The following CNTNAP5 variants were observed in gnomAD, a reference collection of about 807,000 sequenced individuals.
The protein encoded by CNTNAP5 is contactin associated protein family member 5, also known as contactin-associated protein-like 5.
In CNTNAP5, 72 loss-of-function variants were observed where a neutral mutation model predicts 150.2. The observed-to-expected ratio is 0.48, with a 90% CI of 0.40 to 0.58. CNTNAP5 has a LOEUF of 0.58. CNTNAP5 is among the 20% of genes least tolerant of loss of function. CNTNAP5 has a pLI of 0.00. For synonymous variants in CNTNAP5, 672 were observed against 619.8 expected, an observed-to-expected ratio of 1.08 and a Z score of -1.25; for missense variants, 1,636 against 1,626.2, an observed-to-expected ratio of 1.01 and a Z score of -0.10.
intron 19 of CNTNAP5, among the ~76,000 whole-genome samples, chr2:124,841,491 C>A (rs1296649892): frequency 6.6e-6 from 1 of 151,908 alleles, no homozygotes; most frequent in Non-Finnish European, 1.5e-5. Flanking sequence ...CCCTTCAAGA[C>A]CCATGGCTAA....
At chr2:124,064,861 A>G (rs765101293) in intron 1 of CNTNAP5, among the ~76,000 whole-genome samples, 1 of 152,068 alleles carries the variant, frequency 6.6e-6, no homozygotes, top group East Asian at 1.9e-4. Context: ...TCTGATTCCT[A>G]TCATCTTTCA....
intron 3 of CNTNAP5, among the ~76,000 whole-genome samples, chr2:124,355,633 G>A (rs1421418828): frequency 1.3e-5 from 2 of 152,066 alleles, no homozygotes; most frequent in Admixed American, 1.3e-4. Flanking sequence ...TCACCTTTTT[G>A]GGAAGTAAGA....
At chr2:124,748,654 C>T (rs1236153856) in intron 14 of CNTNAP5, among the ~76,000 whole-genome samples, 1 of 152,096 alleles carries the variant, frequency 6.6e-6, no homozygotes, top group Non-Finnish European at 1.5e-5. Context: ...ACAGCAAGGA[C>T]TATTTCACAT....
At chr2:124,557,062 C>T (rs1410914492) in intron 10 of CNTNAP5, among the ~76,000 whole-genome samples, 2 of 151,614 alleles carry the variant, frequency 1.3e-5, no homozygotes, top group African/African-American at 4.8e-5. Flanking sequence ...GGTTCTGCTT[C>T]TGATCCAATT....
chr2:124,187,543 C>G (rs757424417), intron 1 of CNTNAP5, among the ~76,000 whole-genome samples: 1 of 152,078 alleles, frequency 6.6e-6, no homozygotes, highest in Non-Finnish European at 1.5e-5. Context: ...GAATTTTGAA[C>G]GAGTAAAATA....
intron 3 of CNTNAP5, among the ~76,000 whole-genome samples, chr2:124,396,435 T>C (rs1278982539): frequency 1.3e-5 from 2 of 152,204 alleles, no homozygotes; most frequent in African/African-American, 2.4e-5. Context: ...TTGCAAACTA[T>C]TGGAGAAGGC....
intron 5 of CNTNAP5, among the ~76,000 whole-genome samples, chr2:124,438,924 C>T (rs985530988): frequency 6.6e-6 from 1 of 152,024 alleles, no homozygotes; most frequent in African/African-American, 2.4e-5. Flanking sequence ...TCAGTGATTC[C>T]CAGTCAGTGG....
intron 13 of CNTNAP5, 94 bp from the exon 14 acceptor site, chr2:124,747,135 A>C (rs573069686): frequency 8.3e-7 from 1 of 1,200,022 alleles, no homozygotes; most frequent in East Asian, 2.6e-5. Context: ...ATATACATCT[A>C]TTCTCCAAGA....
intron 3 of CNTNAP5, among the ~76,000 whole-genome samples, chr2:124,401,899 G>C (rs1259458882): frequency 2.6e-5 from 4 of 152,176 alleles, no homozygotes; most frequent in African/African-American, 9.6e-5. Flanking sequence ...GACAACACTG[G>C]AGTCTCCAGT....
At chr2:124,220,888 T>C (rs1361002992) in intron 1 of CNTNAP5, among the ~76,000 whole-genome samples, 4 of 152,088 alleles carry the variant, frequency 2.6e-5, no homozygotes, top group Non-Finnish European at 5.9e-5. Context: ...ATTCCAACCA[T>C]GGCAACAATA....
chr2:124,119,241 C>T (rs997163831), intron 1 of CNTNAP5, among the ~76,000 whole-genome samples: 4 of 152,128 alleles, frequency 2.6e-5, no homozygotes. Context: ...CACTTATCAG[C>T]TGAAATTTCT....
intron 1 of CNTNAP5, among the ~76,000 whole-genome samples, chr2:124,211,514 A>G (rs902857499): frequency 1.5e-5 from 2 of 133,904 alleles, no homozygotes; most frequent in African/African-American, 5.8e-5. Flanking sequence ...AGTCTCCAAC[A>G]CACACACAAA....
chr2:124,103,406 T>C (rs940151675), intron 1 of CNTNAP5, among the ~76,000 whole-genome samples: 2 of 152,116 alleles, frequency 1.3e-5, no homozygotes, highest in African/African-American at 2.4e-5. Context: ...TAGAGTGATG[T>C]CCTAGGCCTT....
At chr2:124,435,957 T>C (rs1294539253) in intron 5 of CNTNAP5, among the ~76,000 whole-genome samples, 1 of 152,144 alleles carries the variant, frequency 6.6e-6, no homozygotes, top group Admixed American at 6.5e-5. Flanking sequence ...GTAAAAAAAT[T>C]TGCTGGTAAC....
chr2:124,235,730 T>C (rs981369995), intron 2 of CNTNAP5, among the ~76,000 whole-genome samples: 1 of 152,074 alleles, frequency 6.6e-6, no homozygotes. Flanking sequence ...AGAATCACTC[T>C]CCCTAGACAT....
chr2:124,243,941 C>A (rs1382301823), intron 3 of CNTNAP5, among the ~76,000 whole-genome samples: 1 of 152,044 alleles, frequency 6.6e-6, no homozygotes, highest in African/African-American at 2.4e-5. Flanking sequence ...ATAAGCACAC[C>A]TTCCATTTTG....
chr2:124,172,792 TGTG>T (rs1407833520), intron 1 of CNTNAP5, among the ~76,000 whole-genome samples: 1 of 152,108 alleles, frequency 6.6e-6, no homozygotes, highest in Non-Finnish European at 1.5e-5. Flanking sequence ...TGTGTGTGTG[TGTG>T]TGTGTGTACA....
intron 3 of CNTNAP5, among the ~76,000 whole-genome samples, chr2:124,387,836 T>C (rs1203220637): frequency 6.6e-6 from 1 of 152,160 alleles, no homozygotes; most frequent in Non-Finnish European, 1.5e-5. Context: ...GCAAGTAGAA[T>C]GAGGACCAAT....
chr2:124,174,113 A>AAAAAC (rs1685005543), intron 1 of CNTNAP5, among the ~76,000 whole-genome samples: 1 of 147,442 alleles, frequency 6.8e-6, no homozygotes, highest in South Asian at 2.2e-4. Context: ...TGCTCAGGAA[A>AAAAAC]AAAAAAAAAA....
Sources: allele counts gnomAD v4.1 joint callset (sites outside exome capture counted in the v4.1 genomes callset), GRCh38; gene constraint gnomAD v4.1.1; transcripts MANE v1.5; gene names NCBI Gene and HGNC (gene_info 2026-07-23, HGNC 2026-07-21).